Variants in PTGES3 observed in about 807,000 individuals in gnomAD.
PTGES3 encodes the protein prostaglandin E synthase 3.
In PTGES3, 5 loss-of-function variants were observed where a neutral mutation model predicts 29.9. The ratio of observed to expected loss-of-function variants is 0.17; its 90% CI spans 0.09 to 0.35. The LOEUF (loss-of-function observed/expected upper bound fraction) is 0.35. Among genes scored for constraint, PTGES3 ranks in the 10% least tolerant of loss-of-function variants. The probability of loss-of-function intolerance (pLI) is 1.00; values close to 1 mark genes in which losing one functional copy is unlikely to be tolerated. For synonymous variants in PTGES3, 49 were observed against 57.8 expected (o/e 0.85, Z 0.69); for missense variants, 128 against 190.0 (o/e 0.67, Z 1.92).
chr12:56,683,026 G>A (rs528179331), intron 1 of PTGES3, among the ~76,000 whole-genome samples: 3 of 151,712 alleles, frequency 2.0e-5, no homozygotes, highest in East Asian at 3.9e-4. Flanking sequence ...AAGGTATACC[G>A]AGGAAGCAGG....
At chr12:56,676,919 T>TAAAA (rs1952277354) in intron 1 of PTGES3, among the ~76,000 whole-genome samples, 1 of 5,236 alleles carries the variant, frequency 1.9e-4, no homozygotes. Flanking sequence ...AGATTCCGAC[T>TAAAA]CAAAAAAAAA....
At chr12:56,666,407 T>C in intron 5 of PTGES3, 141 bp from the exon 6 acceptor site, 1 of 1,071,644 alleles carries the variant, frequency 9.3e-7, no homozygotes, top group Non-Finnish European at 1.3e-6. Context: ...CTTTCCCTTC[T>C]GGAAAAGGAA....
intron 1 of PTGES3, among the ~76,000 whole-genome samples, chr12:56,678,065 G>C (rs1243177748): frequency 1.3e-5 from 2 of 149,764 alleles, no homozygotes; most frequent in Non-Finnish European, 3.0e-5. Flanking sequence ...TATAGGCAAG[G>C]TGTTTGATAC....
In PTGES3 at chr12:56,687,238, G is replaced by A. The variant is rs1480804046; in HGVS notation, c.2+760C>T. 7.8e-6 allele frequency: 8 copies of A among 1,022,058 alleles called. No individual in the cohort carries two copies. In the African/African-American group the frequency reaches 1.2e-4, roughly 15 times the overall value. 63.3% of individuals were successfully genotyped at this position (1,022,058 alleles called of 1,614,324 possible). A position where few individuals can be genotyped will look rare whatever the true frequency, so the allele number is the denominator to read the frequency against. ...TTTCATCCTACACTGTAACAAGATA[G>A]TGAAACCTCACCTCAAGTAGAACAT... On this transcript the variant is annotated intron_variant, in intron 1 of 7. Coordinates refer to ENST00000262033, the MANE Select transcript of PTGES3 (RefSeq NM_006601.7).
intron 1 of PTGES3, among the ~76,000 whole-genome samples, chr12:56,678,046 T>A (rs1012521988): frequency 1.3e-5 from 2 of 152,144 alleles, no homozygotes; most frequent in African/African-American, 4.8e-5. Context: ...CAGCTTGGTG[T>A]CAGACATTTA....
chr12:56,686,537 G>A lies in PTGES3; in HGVS notation c.2+1461C>T, dbSNP rs1565881225. Among the ~76,000 whole-genome samples, 4 of 151,956 alleles carry A rather than the reference G, an allele frequency of 2.6e-5. No homozygotes were observed. The East Asian group carries it at 7.7e-4, about 29-fold the overall frequency. The stretch of plus-strand genomic sequence containing the variant: ...TTACAGGCATGTGCCACCACGCCCG[G>A]CTAATTTTTTTTGTATTTTTGCAGC... On this transcript the variant is annotated intron_variant, in intron 1 of 7. Transcript: ENST00000262033.
intron 1 of PTGES3, among the ~76,000 whole-genome samples, chr12:56,676,653 G>C (rs1952263285): frequency 6.6e-6 from 1 of 152,070 alleles, no homozygotes; most frequent in Non-Finnish European, 1.5e-5. Flanking sequence ...AAAGTGCTAA[G>C]TGGGTATGCG....
intron 6 of PTGES3, chr12:56,665,211 G>A (rs570259876): frequency 1.0e-6 from 1 of 985,154 alleles, no homozygotes; most frequent in East Asian, 1.1e-4. Flanking sequence ...GATGTTAACA[G>A]GATGCTGGGG....
intron 5 of PTGES3, among the ~76,000 whole-genome samples, chr12:56,668,806 A>G (rs1951880808): frequency 6.6e-6 from 1 of 152,160 alleles, no homozygotes; most frequent in Admixed American, 6.6e-5. Context: ...AATGGATTTC[A>G]TCAGTATGCA....
At chr12:56,679,013 G>T (rs1952398879) in intron 1 of PTGES3, among the ~76,000 whole-genome samples, 1 of 152,134 alleles carries the variant, frequency 6.6e-6, no homozygotes, top group African/African-American at 2.4e-5. Flanking sequence ...CTAACTGGGG[G>T]GCACTGAGGT....
At chr12:56,683,027 A>C (rs192661161) in intron 1 of PTGES3, among the ~76,000 whole-genome samples, 63 of 151,902 alleles carry the variant, frequency 4.1e-4, no homozygotes, top group South Asian at 1.5e-3. Flanking sequence ...AGGTATACCG[A>C]GGAAGCAGGG....
At chr12:56,664,563 TAAAGG>T in intron 7 of PTGES3, 65 bp from the exon 8 acceptor site, 1 of 1,528,850 alleles carries the variant, frequency 6.5e-7, no homozygotes, top group South Asian at 1.2e-5. Context: ...TTTACTGTCT[TAAAGG>T]AAAAGCAACC....
At chr12:56,672,290 G>C (rs893823685) in intron 3 of PTGES3, among the ~76,000 whole-genome samples, 6 of 152,074 alleles carry the variant, frequency 3.9e-5, no homozygotes, top group African/African-American at 1.4e-4. Context: ...GAACACCTGA[G>C]GTCAGGAGTT....
intron 1 of PTGES3, among the ~76,000 whole-genome samples, chr12:56,674,245 G>A (rs1486869277): frequency 6.6e-6 from 1 of 152,150 alleles, no homozygotes; most frequent in African/African-American, 2.4e-5. Flanking sequence ...TTAGCACAGA[G>A]GGAAGAAAGA....
intron 1 of PTGES3, among the ~76,000 whole-genome samples, chr12:56,674,697 G>T (rs1952144794): frequency 6.6e-6 from 1 of 151,240 alleles, no homozygotes; most frequent in Non-Finnish European, 1.5e-5. Context: ...ATGGTGGTAG[G>T]CGCCTGTAGT....
chr12:56,673,516 G>C (rs1256771224), intron 1 of PTGES3, among the ~76,000 whole-genome samples: 1 of 135,388 alleles, frequency 7.4e-6, no homozygotes, highest in African/African-American at 2.8e-5. Context: ...AAAAAAAGCA[G>C]GGTACGGTGG....
chr12:56,671,797 T>C lies in PTGES3; in HGVS notation c.237A>G (p.Lys79=). ...TTGGCCATGACTGGCCAGATTCTCCTTTTCGTAAACAACATAAAATTGATC... is the reference window on the plus strand; with the variant it reads ...TTGGCCATGACTGGCCAGATTCTCCCTTTCGTAAACAACATAAAATTGATC... The part of the protein sequence containing the change: ...TDRSILCCLR[K]GESGQSWPRL... The change falls in exon 4 of 8, where the codon AAA becomes AAG. Residue 79 remains lysine, a synonymous_variant. Coordinates refer to ENST00000262033, the MANE Select transcript of PTGES3 (RefSeq NM_006601.7). 27 of 1,580,490 alleles carry C rather than the reference T, an allele frequency of 1.7e-5. No homozygotes were observed. The highest frequency in any genetic ancestry group is 2.3e-5 in the Non-Finnish European group (27 of 1,161,966).
chr12:56,685,770 CTTTTTTTTT>C (rs9325161), intron 1 of PTGES3, among the ~76,000 whole-genome samples: 4 of 71,898 alleles, frequency 5.6e-5, no homozygotes, highest in African/African-American at 1.8e-4. Flanking sequence ...GCTACACTTA[CTTTTTTTTT>C]TTTTTTTTTT....
intron 1 of PTGES3, among the ~76,000 whole-genome samples, chr12:56,684,676 G>C (rs1029728115): frequency 6.6e-6 from 1 of 152,016 alleles, no homozygotes; most frequent in Admixed American, 6.6e-5. Context: ...TTTTTAATCG[G>C]TCGAACGACA....
Sources: allele counts gnomAD v4.1 joint callset (sites outside exome capture counted in the v4.1 genomes callset), GRCh38; gene constraint gnomAD v4.1.1; transcripts MANE v1.5; gene names NCBI Gene and HGNC (gene_info 2026-07-23, HGNC 2026-07-21).